RBFOX1: variants seen among roughly 807,000 people sequenced by gnomAD.
RBFOX1 encodes RNA binding fox-1 homolog 1.
RBFOX1 carries 8 observed loss-of-function variants against 57.7 expected under a neutral mutation model. The ratio of observed to expected loss-of-function variants is 0.14; its 90% CI spans 0.08 to 0.25. The LOEUF is 0.25. Ranked by LOEUF, RBFOX1 falls within the 10% of genes least tolerant of loss-of-function variation. The pLI is 1.00. For missense variants in RBFOX1, 611 were observed against 548.5 expected (o/e 1.11, Z -1.14); for synonymous variants, 326 against 222.4 (o/e 1.47, Z -4.15).
At chr16:7,036,249 T>A (rs1361747261) in intron 3 of RBFOX1, among the ~76,000 whole-genome samples, 3 of 152,130 alleles carry the variant, frequency 2.0e-5, no homozygotes. Flanking sequence ...CATGATTTAT[T>A]TCTTTTGACA....
At chr16:6,987,706 C>T (rs761434544) in intron 3 of RBFOX1, among the ~76,000 whole-genome samples, 16 of 152,286 alleles carry the variant, frequency 1.1e-4, no homozygotes, top group Admixed American at 2.0e-4. Flanking sequence ...AATAGAAACT[C>T]ATCCAAATAC....
chr16:6,021,860 A>G (rs1053991869), intron 1 of RBFOX1, among the ~76,000 whole-genome samples: 6 of 152,226 alleles, frequency 3.9e-5, no homozygotes, highest in African/African-American at 1.4e-4. Flanking sequence ...AATTACTTAA[A>G]GCACTAAACA....
chr16:5,895,716 G>A (rs1168415998), intron 4 of RBFOX1, among the ~76,000 whole-genome samples: 1 of 152,164 alleles, frequency 6.6e-6, no homozygotes, highest in East Asian at 1.9e-4. Context: ...GATCTAAGGG[G>A]CATCTCGCAG....
chr16:6,079,840 A>G (rs532608224), intron 1 of RBFOX1, among the ~76,000 whole-genome samples: 2 of 152,282 alleles, frequency 1.3e-5, no homozygotes, highest in South Asian at 4.2e-4. Context: ...TGTCTCAAGC[A>G]AAAAAGAAAA....
In RBFOX1 at chr16:7,099,864, G is replaced by A. The variant is rs138278816; in HGVS notation, c.27+47766G>A. On this transcript the variant is annotated intron_variant, in intron 4 of 15. Transcript: ENST00000550418. ...ACCTAGGTTTTATCGTGCGGTTACAGCCTCTAAGTAGCAGGTTTTAGGGAG... is the reference window on the plus strand; with the variant it reads ...ACCTAGGTTTTATCGTGCGGTTACAACCTCTAAGTAGCAGGTTTTAGGGAG... Among the ~76,000 whole-genome samples, 430 of 152,220 alleles carry A rather than the reference G, an allele frequency of 2.8e-3. 2 individuals carry two copies. The highest frequency in any genetic ancestry group is 9.7e-3 in the African/African-American group (401 of 41,542).
chr16:5,351,718 C>T (rs1019498500), intron 1 of RBFOX1, among the ~76,000 whole-genome samples: 31 of 152,162 alleles, frequency 2.0e-4, no homozygotes, highest in Admixed American at 1.0e-3. Context: ...CCCTTGATAT[C>T]GCTTAGCCCG....
intron 2 of RBFOX1, among the ~76,000 whole-genome samples, chr16:6,574,804 C>T (rs1282371737): frequency 1.3e-5 from 2 of 148,374 alleles, no homozygotes; most frequent in Admixed American, 1.3e-4. Context: ...TTAGGGAGGC[C>T]AAAGTGGGCG....
intron 4 of RBFOX1, among the ~76,000 whole-genome samples, chr16:7,415,368 A>G (rs980116750): frequency 3.9e-5 from 6 of 152,206 alleles, no homozygotes; most frequent in African/African-American, 7.2e-5. Context: ...ATACAGATCT[A>G]GAGGGTAGCT....
intron 4 of RBFOX1, chr16:7,510,269 C>T (rs1177005394): frequency 1.0e-6 from 1 of 985,788 alleles, no homozygotes; most frequent in East Asian, 1.1e-4. Flanking sequence ...ACAAGAACAG[C>T]TGCTAAGTTT....
chr16:7,545,776 C>T (rs1367590882), intron 5 of RBFOX1, among the ~76,000 whole-genome samples: 9 of 152,058 alleles, frequency 5.9e-5, no homozygotes, highest in Non-Finnish European at 1.2e-4. Flanking sequence ...AGCTAGAAAA[C>T]GTGGTCTTGG....
chr16:7,708,001 A>G (rs2083049011), intron 14 of RBFOX1, among the ~76,000 whole-genome samples: 3 of 152,208 alleles, frequency 2.0e-5, no homozygotes, highest in South Asian at 2.1e-4. Flanking sequence ...GCAAACAAGT[A>G]TGGGCACAGG....
chr16:6,355,608 C>G (rs1600026751), intron 2 of RBFOX1, among the ~76,000 whole-genome samples: 1 of 152,062 alleles, frequency 6.6e-6, no homozygotes, highest in Non-Finnish European at 1.5e-5. Context: ...TGTGCATATG[C>G]CTTTATAGTA....
intron 5 of RBFOX1, among the ~76,000 whole-genome samples, chr16:7,571,504 T>C (rs3785246): frequency 6.6e-6 from 1 of 152,324 alleles, no homozygotes; most frequent in East Asian, 1.9e-4. Flanking sequence ...GGTTCTTTAT[T>C]AAGGTCTTTG....
chr16:5,914,565 A>T (rs1248518824), intron 4 of RBFOX1, among the ~76,000 whole-genome samples: 1 of 152,068 alleles, frequency 6.6e-6, no homozygotes, highest in African/African-American at 2.4e-5. Flanking sequence ...CCCTTACAAC[A>T]TGGCAGCTGG....
Position 5,984,497 on chromosome 16 carries a change from C to G in RBFOX1, c.351+117162C>G, listed in dbSNP as rs145934569. Among the ~76,000 whole-genome samples, 46 of 152,114 alleles carry G rather than the reference C, an allele frequency of 3.0e-4. 1 individual carries two copies. The highest frequency in any genetic ancestry group is 1.0e-3 in the African/African-American group (42 of 41,500). ...TGAACTGTCAAGTCCTGAGCATTGT[C>G]TGTGTGGCAGCTGCTATGCAAAAGG... On this transcript the variant is annotated intron_variant, in intron 4 of 19. Coordinates refer to the RBFOX1 transcript ENST00000641259.
At chr16:5,908,967 A>G (rs552762459) in intron 4 of RBFOX1, among the ~76,000 whole-genome samples, 6 of 152,212 alleles carry the variant, frequency 3.9e-5, no homozygotes, top group South Asian at 4.2e-4. Context: ...CCAAACACCA[A>G]ATCTGCTAGA....
intron 4 of RBFOX1, among the ~76,000 whole-genome samples, chr16:7,354,703 T>C (rs1428295574): frequency 6.6e-6 from 1 of 152,210 alleles, no homozygotes; most frequent in Admixed American, 6.5e-5. Flanking sequence ...AAACATACTG[T>C]GCGATATGAC....
chr16:6,512,867 A>G lies in RBFOX1; in HGVS notation c.-63-141736A>G, dbSNP rs927003258. 3.3e-5 allele frequency among the ~76,000 whole-genome samples: 5 copies of G among 152,182 alleles called. No homozygotes were observed. The South Asian group carries it at 6.2e-4, about 19-fold the overall frequency. ...AATGCTGGCCCATGAAGGGGAGTCA[A>G]CTGACTTTATTTTGAAGGTTTTTAA... On this transcript the variant is annotated intron_variant, in intron 2 of 15. Coordinates refer to ENST00000550418, the MANE Select transcript of RBFOX1 (RefSeq NM_018723.4).
At chr16:6,800,033 A>C (rs2085007324) in intron 3 of RBFOX1, among the ~76,000 whole-genome samples, 1 of 152,134 alleles carries the variant, frequency 6.6e-6, no homozygotes, top group South Asian at 2.1e-4. Flanking sequence ...GGAGAACCCT[A>C]ATACACCATC....
Sources: gnomAD v4.1 joint callset for allele counts (sites outside exome capture counted in the v4.1 genomes callset) on GRCh38, gnomAD v4.1.1 for gene constraint, MANE v1.5 for transcripts, NCBI Gene and HGNC (gene_info 2026-07-23, HGNC 2026-07-21) for gene names.